Variants in ZNF385D observed in about 807,000 individuals in gnomAD.
ZNF385D encodes the protein zinc finger protein 659.
Under a neutral mutation model 35.8 loss-of-function variants are expected in ZNF385D, and 15 were observed. That is an observed-to-expected ratio of 0.42 (90% CI 0.28 to 0.64). The LOEUF is 0.64. Ranked by LOEUF, ZNF385D falls within the 30% of genes least tolerant of loss-of-function variation. The probability of loss-of-function intolerance (pLI) is 0.23; values close to 1 mark genes in which losing one functional copy is unlikely to be tolerated. For missense variants in ZNF385D, 474 were observed against 494.6 expected (o/e 0.96, Z 0.39); for synonymous variants, 212 against 186.8 (o/e 1.13, Z -1.10).
chr3:22,302,507 G>C (rs1702957215), intron 2 of ZNF385D, among the ~76,000 whole-genome samples: 2 of 151,482 alleles, frequency 1.3e-5, no homozygotes, highest in African/African-American at 4.8e-5. Flanking sequence ...TTTATGCTTG[G>C]GTCTGTCCTT....
At chr3:21,967,147 T>C (rs1461755929) in intron 3 of ZNF385D, among the ~76,000 whole-genome samples, 2 of 152,198 alleles carry the variant, frequency 1.3e-5, no homozygotes, top group East Asian at 1.9e-4. Context: ...ATATATAATC[T>C]AGATGTGATG....
chr3:21,456,898 C>T (rs1013045307), intron 4 of ZNF385D, among the ~76,000 whole-genome samples: 2 of 152,064 alleles, frequency 1.3e-5, no homozygotes, highest in Non-Finnish European at 2.9e-5. Flanking sequence ...AAATTGCTAC[C>T]TTTCTACCCA....
chr3:21,813,865 G>C (rs7431495), intron 3 of ZNF385D, among the ~76,000 whole-genome samples: 95,198 of 151,690 alleles, frequency 0.63, 30,848 homozygotes, highest in East Asian at 0.83. Flanking sequence ...CACAAAGATA[G>C]TCCTCGAGAA....
chr3:21,973,439 A>G (rs908916378), intron 3 of ZNF385D, among the ~76,000 whole-genome samples: 2 of 152,020 alleles, frequency 1.3e-5, no homozygotes, highest in South Asian at 4.1e-4. Flanking sequence ...AAAGTCATAT[A>G]TGACAGACTC....
At chr3:21,807,841 A>C (rs1325960086) in intron 3 of ZNF385D, among the ~76,000 whole-genome samples, 2 of 152,186 alleles carry the variant, frequency 1.3e-5, no homozygotes, top group African/African-American at 4.8e-5. Flanking sequence ...AGTCTCTGAG[A>C]TGGAGTGTCA....
intron 3 of ZNF385D, among the ~76,000 whole-genome samples, chr3:21,826,314 A>C (rs1176998156): frequency 6.6e-6 from 1 of 152,172 alleles, no homozygotes; most frequent in Non-Finnish European, 1.5e-5. Context: ...CTGATTGTGA[A>C]TTATCCGATA....
chr3:21,644,366 G>A (rs1365468437), intron 2 of ZNF385D, among the ~76,000 whole-genome samples: 1 of 152,164 alleles, frequency 6.6e-6, no homozygotes, highest in South Asian at 2.1e-4. Context: ...GTGCAAGGCA[G>A]AAGCCCACCT....
chr3:21,732,322 G>A (rs2069058482), intron 1 of ZNF385D, among the ~76,000 whole-genome samples: 1 of 152,008 alleles, frequency 6.6e-6, no homozygotes. Context: ...AAAGTGCTGG[G>A]ATTACAGGCG....
intron 3 of ZNF385D, among the ~76,000 whole-genome samples, chr3:21,852,407 A>T (rs1696438579): frequency 6.6e-6 from 1 of 151,904 alleles, no homozygotes; most frequent in South Asian, 2.1e-4. Context: ...GAGGCTCCCC[A>T]AGTGACTGTA....
intron 2 of ZNF385D, among the ~76,000 whole-genome samples, chr3:22,174,929 A>G (rs973779475): frequency 2.0e-5 from 3 of 152,074 alleles, no homozygotes; most frequent in Non-Finnish European, 4.4e-5. Context: ...ATGTCTAAAT[A>G]TTCCCCAAAT....
chr3:22,046,932 A>G (rs1208270454), intron 3 of ZNF385D, among the ~76,000 whole-genome samples: 2 of 152,292 alleles, frequency 1.3e-5, no homozygotes, highest in East Asian at 3.9e-4. Flanking sequence ...GATTCATTAG[A>G]TAAGTGGGAA....
intron 2 of ZNF385D, among the ~76,000 whole-genome samples, chr3:22,349,836 A>G (rs1343527786): frequency 1.3e-5 from 2 of 152,166 alleles, no homozygotes; most frequent in African/African-American, 4.8e-5. Flanking sequence ...AAATTTCTAG[A>G]CATTGCCATT....
intron 2 of ZNF385D, among the ~76,000 whole-genome samples, chr3:22,207,562 T>C (rs1156894124): frequency 1.3e-5 from 2 of 151,768 alleles, no homozygotes; most frequent in Admixed American, 6.6e-5. Context: ...ACAGCAAGCA[T>C]AGGCATGCAA....
At chr3:21,559,872 T>C (rs946151137) in intron 3 of ZNF385D, among the ~76,000 whole-genome samples, 4 of 152,202 alleles carry the variant, frequency 2.6e-5, no homozygotes, top group African/African-American at 9.7e-5. Flanking sequence ...TTCATTCTTT[T>C]TTCTCTAATC....
intron 3 of ZNF385D, among the ~76,000 whole-genome samples, chr3:21,881,489 T>C (rs932955482): frequency 6.6e-6 from 1 of 151,954 alleles, no homozygotes; most frequent in East Asian, 1.9e-4. Context: ...CTACTACTCA[T>C]AGAAAAAGAT....
At chr3:22,026,001 A>C (rs151316723) in intron 3 of ZNF385D, among the ~76,000 whole-genome samples, 4 of 152,298 alleles carry the variant, frequency 2.6e-5, no homozygotes, top group African/African-American at 9.6e-5. Flanking sequence ...CATAGCTACC[A>C]TAATGGACAG....
chr3:22,211,624 AG>A (rs1451900131), intron 2 of ZNF385D, among the ~76,000 whole-genome samples: 4 of 152,030 alleles, frequency 2.6e-5, no homozygotes, highest in Non-Finnish European at 5.9e-5. Context: ...CTATATAGAA[AG>A]AAAGAAAGAG....
chr3:21,625,228 C>T (rs2065103480), intron 2 of ZNF385D, among the ~76,000 whole-genome samples: 2 of 152,056 alleles, frequency 1.3e-5, no homozygotes, highest in Admixed American at 6.6e-5. Context: ...TCAGAGACTT[C>T]CTAAGTCTTC....
At chr3:22,253,595 G>A (rs1004201260) in intron 2 of ZNF385D, among the ~76,000 whole-genome samples, 1 of 151,900 alleles carries the variant, frequency 6.6e-6, no homozygotes, top group Non-Finnish European at 1.5e-5. Flanking sequence ...ACTCACCAAT[G>A]ACAAGATTCC....
Sources: gnomAD v4.1 joint callset for allele counts (sites outside exome capture counted in the v4.1 genomes callset) on GRCh38, gnomAD v4.1.1 for gene constraint, MANE v1.5 for transcripts, NCBI Gene and HGNC (gene_info 2026-07-23, HGNC 2026-07-21) for gene names.